The following IL1RAPL1 variants were observed in gnomAD, a reference collection of about 807,000 sequenced individuals.
IL1RAPL1 encodes the protein interleukin-1 receptor accessory protein-like 1.
In IL1RAPL1, 3 loss-of-function variants were observed where a neutral mutation model predicts 48.4. The ratio of observed to expected loss-of-function variants is 0.06; its 90% CI spans 0.03 to 0.16. The LOEUF (loss-of-function observed/expected upper bound fraction) is 0.16, where lower values mean the gene tolerates loss of function less well. Among genes scored for constraint, IL1RAPL1 ranks in the 10% least tolerant of loss-of-function variants. The pLI, the probability that IL1RAPL1 is intolerant of heterozygous loss-of-function variation, is 1.00. For synonymous variants in IL1RAPL1, 185 were observed against 187.7 expected, an observed-to-expected ratio of 0.99 and a Z score of 0.12; for missense variants, 349 against 530.6, an observed-to-expected ratio of 0.66 and a Z score of 3.36.
chrX:28,840,342 C>G (rs1158198396), intron 2 of IL1RAPL1, among the ~76,000 whole-genome samples: 1 of 110,425 alleles, frequency 9.1e-6, no homozygotes, highest in East Asian at 2.8e-4. Flanking sequence ...CCAGCAAGCA[C>G]ATTTTTTAAC....
chrX:29,446,970 G>A (rs189267248), intron 5 of IL1RAPL1, among the ~76,000 whole-genome samples: 7 of 111,303 alleles, frequency 6.3e-5, no homozygotes, highest in Non-Finnish European at 5.7e-5. Flanking sequence ...GTTTAAAAAC[G>A]ATTGGATTCT....
At chrX:28,831,026 C>CTCTCTCTCTCTCTCTCTGTGTG (rs1438889606) in intron 2 of IL1RAPL1, among the ~76,000 whole-genome samples, 2 of 33,644 alleles carry the variant, frequency 5.9e-5, no homozygotes, top group Non-Finnish European at 9.9e-5. Context: ...CTCTCTCTCT[C>CTCTCTCTCTCTCTCTCTGTGTG]TGTGTGTGTG....
At chrX:29,892,040 T>G (rs897994680) in intron 6 of IL1RAPL1, among the ~76,000 whole-genome samples, 1 of 112,193 alleles carries the variant, frequency 8.9e-6, no homozygotes, top group African/African-American at 3.2e-5. Context: ...AATATATACA[T>G]TTCCAAAAGT....
At chrX:29,046,358 T>TG (rs1926971823) in intron 2 of IL1RAPL1, among the ~76,000 whole-genome samples, 1 of 111,558 alleles carries the variant, frequency 9.0e-6, no homozygotes, top group South Asian at 3.8e-4. Context: ...GCCATATCAT[T>TG]GGATTTGTCT....
chrX:29,612,528 G>A (rs1196853581), intron 5 of IL1RAPL1, among the ~76,000 whole-genome samples: 1 of 111,377 alleles, frequency 9.0e-6, no homozygotes, highest in Admixed American at 9.6e-5. Flanking sequence ...TTATCTCTCA[G>A]CTAATACCTG....
intron 2 of IL1RAPL1, among the ~76,000 whole-genome samples, chrX:29,112,321 T>A (rs769413682): frequency 1.8e-3 from 201 of 112,105 alleles, no homozygotes; most frequent in African/African-American, 6.2e-3. Flanking sequence ...TAACGGTTAG[T>A]GATTTGAGTC....
At chrX:29,658,725 G>A (rs895181273) in intron 5 of IL1RAPL1, among the ~76,000 whole-genome samples, 6 of 111,823 alleles carry the variant, frequency 5.4e-5, no homozygotes, top group African/African-American at 2.0e-4. Context: ...TGGGGTGTAT[G>A]TGATATTTTG....
At chrX:29,950,377 G>T (rs1933290098) in intron 9 of IL1RAPL1, among the ~76,000 whole-genome samples, 1 of 112,026 alleles carries the variant, frequency 8.9e-6, no homozygotes, top group Non-Finnish European at 1.9e-5. Flanking sequence ...AGGGGGCAAG[G>T]TTTAGTTTTT....
intron 6 of IL1RAPL1, among the ~76,000 whole-genome samples, chrX:29,721,090 A>G (rs1927626764): frequency 8.9e-6 from 1 of 111,870 alleles, no homozygotes; most frequent in African/African-American, 3.3e-5. Flanking sequence ...TTGGCAGGAC[A>G]TTACCAAGGT....
chrX:29,127,737 A>G (rs937563034), intron 2 of IL1RAPL1, among the ~76,000 whole-genome samples: 3 of 111,305 alleles, frequency 2.7e-5, no homozygotes, highest in African/African-American at 9.8e-5. Flanking sequence ...AGGCGGGTGG[A>G]TCATGAGGTC....
chrX:29,497,901 C>A (rs58424226), intron 5 of IL1RAPL1, among the ~76,000 whole-genome samples: 3,882 of 111,502 alleles, frequency 0.035, 183 homozygotes, highest in African/African-American at 0.12. Context: ...AGAGCTAACA[C>A]CAATCCATTA....
In IL1RAPL1 at chrX:29,068,459, G is replaced by A. The variant is rs149684753; in HGVS notation, c.83-214479G>A. On this transcript the variant is annotated intron_variant, in intron 2 of 10. Coordinates refer to ENST00000378993, the MANE Select transcript of IL1RAPL1 (RefSeq NM_014271.4). ...ACTATTGGAGAGATACCTACAAGGC[G>A]TTGCAGAAACACAAAAAACAAAGAG... Among the ~76,000 whole-genome samples, 436 of 112,191 alleles carry A rather than the reference G, an allele frequency of 3.9e-3. 3 individuals are homozygous for A. The highest frequency in any genetic ancestry group is 0.014 in the Middle Eastern group (3 of 218).
chrX:29,803,026 C>CATACATGTGTACATATAT (rs1569173449), intron 6 of IL1RAPL1, among the ~76,000 whole-genome samples: 1 of 45,175 alleles, frequency 2.2e-5, no homozygotes. Context: ...TGTACATATA[C>CATACATGTGTACATATAT]ATGTATGCAT....
chrX:29,747,303 TATG>T (rs1928356791), intron 6 of IL1RAPL1, among the ~76,000 whole-genome samples: 2 of 112,579 alleles, frequency 1.8e-5, no homozygotes, highest in Admixed American at 1.9e-4. Flanking sequence ...GTGAGTCTGA[TATG>T]ATAAATATGT....
At chrX:29,874,539 C>A (rs1409303844) in intron 6 of IL1RAPL1, among the ~76,000 whole-genome samples, 1 of 111,605 alleles carries the variant, frequency 9.0e-6, no homozygotes, top group Non-Finnish European at 1.9e-5. Context: ...ATGAGGTCCA[C>A]ATCAAATTAT....
intron 2 of IL1RAPL1, among the ~76,000 whole-genome samples, chrX:29,017,305 G>A (rs922788481): frequency 8.9e-6 from 1 of 112,205 alleles, no homozygotes; most frequent in Admixed American, 9.5e-5. Context: ...ATCTGCTTCT[G>A]TAGAATAAGA....
chrX:29,834,492 A>ATT (rs34399580), intron 6 of IL1RAPL1, among the ~76,000 whole-genome samples: 19 of 72,741 alleles, frequency 2.6e-4, no homozygotes, highest in East Asian at 4.3e-4. Flanking sequence ...AAGAAAAAGG[A>ATT]TTTTTTTTTT....
intron 2 of IL1RAPL1, among the ~76,000 whole-genome samples, chrX:29,199,263 C>T: frequency 9.1e-6 from 1 of 110,372 alleles, no homozygotes; most frequent in Non-Finnish European, 1.9e-5. Context: ...AGAAGATGCA[C>T]ATTAAATAAC....
intron 2 of IL1RAPL1, among the ~76,000 whole-genome samples, chrX:28,960,148 A>G (rs1021689989): frequency 2.7e-5 from 3 of 111,930 alleles, no homozygotes; most frequent in Non-Finnish European, 5.6e-5. Context: ...TATGTGTTAA[A>G]TTATGTGTTA....
Sources: allele counts gnomAD v4.1 joint callset (sites outside exome capture counted in the v4.1 genomes callset), GRCh38; gene constraint gnomAD v4.1.1; transcripts MANE v1.5; gene names NCBI Gene and HGNC (gene_info 2026-07-23, HGNC 2026-07-21).